CAPN2: variants seen among roughly 807,000 people sequenced by gnomAD.
CAPN2 encodes the protein calpain 2.
A neutral mutation model predicts 102.3 loss-of-function variants in CAPN2; 92 were observed. The ratio of observed to expected loss-of-function variants is 0.90; its 90% CI spans 0.76 to 1.07. The LOEUF (loss-of-function observed/expected upper bound fraction) is 1.07. Ranked by LOEUF, CAPN2 falls within the 50% of genes least tolerant of loss-of-function variation. The probability of loss-of-function intolerance (pLI) is 0.00; values close to 1 mark genes in which losing one functional copy is unlikely to be tolerated. For synonymous variants in CAPN2, 340 were observed against 355.4 expected (o/e 0.96, Z 0.49); for missense variants, 800 against 909.4 (o/e 0.88, Z 1.55).
Position 223,759,079 on chromosome 1 carries a change from G to A in CAPN2, c.1318-191G>A, listed in dbSNP as rs766870236. 7.2e-5 allele frequency: 44 copies of A among 608,260 alleles called. No individual in the cohort carries two copies. The highest frequency in any genetic ancestry group is 1.9e-4 in the African/African-American group (10 of 53,896). The allele number at this position is 608,260 out of a possible 1,614,324, so 37.7% of individuals were successfully genotyped here. On this transcript the variant is annotated intron_variant, in intron 11 of 20. Coordinates refer to ENST00000295006, the MANE Select transcript of CAPN2 (RefSeq NM_001748.5). This position sits in a 1 kb window ranked among gnomAD's most constrained non-coding sequence, Gnocchi z 4.6. Reference sequence around the variant, plus strand: ...ATTTTGTTGTTTTGTTGTTGTTGTCGTCGTTATATAGATGAGGGCTTCCTG... The same window carrying A: ...ATTTTGTTGTTTTGTTGTTGTTGTCATCGTTATATAGATGAGGGCTTCCTG...
At chr1:223,729,376 G>C (rs995355899) in intron 2 of CAPN2, among the ~76,000 whole-genome samples, 1 of 152,148 alleles carries the variant, frequency 6.6e-6, no homozygotes, top group African/African-American at 2.4e-5. Context: ...ATTAAGGTAG[G>C]CTAGGCTAAG....
chr1:223,722,982 G>C (rs948903570), intron 2 of CAPN2, among the ~76,000 whole-genome samples: 12 of 152,180 alleles, frequency 7.9e-5, no homozygotes, highest in Non-Finnish European at 1.8e-4. Flanking sequence ...CAGTTTTGGG[G>C]AATATTGATC....
chr1:223,750,777 C>A, intron 6 of CAPN2, 113 bp from the exon 7 acceptor site: 1 of 939,544 alleles, frequency 1.1e-6, no homozygotes, highest in South Asian at 1.5e-5. Flanking sequence ...ATCCTCCCCA[C>A]CGTCCTCAGC....
intron 2 of CAPN2, among the ~76,000 whole-genome samples, chr1:223,723,894 A>C (rs950899145): frequency 1.7e-5 from 2 of 115,588 alleles, no homozygotes; most frequent in African/African-American, 3.9e-5. Context: ...CTGCAAAGCC[A>C]CAGGGCGTGC....
rs34894876 is a variant in CAPN2 at position 223,722,281 on chromosome 1, C to CTTTTT, written c.307+4470_307+4474dup. 5.0e-3 allele frequency among the ~76,000 whole-genome samples: 423 copies of CTTTTT among 85,410 alleles called. 1 individual carries two copies. Among genetic ancestry groups the CTTTTT allele is most frequent in the African/African-American group, 0.01 (232 of 23,146 alleles). The allele number at this position is 85,410 out of a possible 152,430, so 56.0% of individuals were successfully genotyped here. On this transcript the variant is annotated intron_variant, in intron 2 of 20. Coordinates refer to ENST00000295006, the MANE Select transcript of CAPN2 (RefSeq NM_001748.5). The stretch of plus-strand genomic sequence containing the variant: ...TTCCTTTCTTTCTTTTTCTTTCTTT[C>CTTTTT]TTTTTTTTTTTTTTTTTTTTTTTTG...
chr1:223,761,798 T>C (rs778069624), intron 13 of CAPN2, 181 bp downstream of exon 13: 1 of 579,358 alleles, frequency 1.7e-6, no homozygotes, highest in South Asian at 2.5e-5. Context: ...GCTGGGGGCA[T>C]GGGCCAGTCC....
intron 15 of CAPN2, among the ~76,000 whole-genome samples, chr1:223,765,953 C>T (rs887635224): frequency 1.3e-5 from 2 of 152,178 alleles, no homozygotes; most frequent in African/African-American, 4.8e-5. Context: ...GGACACAGTC[C>T]ATAAATGTCT....
At chr1:223,770,354 G>C (rs553099569) in intron 17 of CAPN2, 93 bp from the exon 18 acceptor site, 1 of 782,864 alleles carries the variant, frequency 1.3e-6, no homozygotes, top group Non-Finnish European at 2.2e-6. Context: ...CACAGAGCTG[G>C]AAAAACTTCA....
chr1:223,703,636 T>C (rs1048082933), intron 1 of CAPN2, among the ~76,000 whole-genome samples: 1 of 152,218 alleles, frequency 6.6e-6, no homozygotes. Context: ...TCCCCATCTC[T>C]TTTCATAGGT....
chr1:223,767,070 G>T (rs1180015051), intron 16 of CAPN2, among the ~76,000 whole-genome samples: 2 of 152,062 alleles, frequency 1.3e-5, no homozygotes, highest in African/African-American at 4.8e-5. Context: ...GCTCGAATTT[G>T]TTTCCTCAGT....
At chr1:223,704,450 G>A (rs1205883472) in intron 1 of CAPN2, among the ~76,000 whole-genome samples, 4 of 152,168 alleles carry the variant, frequency 2.6e-5, no homozygotes. Flanking sequence ...TTAGCAACTC[G>A]AGCTATATTT....
At position 223,727,452 on chromosome 1, in the gene CAPN2, T is replaced by G. The variant is rs1236339670; in HGVS notation, c.307+9621T>G. Among the ~76,000 whole-genome samples the G allele has an allele frequency of 6.6e-6, 1 of 151,770 alleles. No individual in the cohort carries two copies. The highest frequency in any genetic ancestry group is 1.9e-4 in the East Asian group (1 of 5,156). On this transcript the variant is annotated intron_variant, in intron 2 of 20. Coordinates refer to ENST00000295006, the MANE Select transcript of CAPN2 (RefSeq NM_001748.5). The surrounding 1 kb of genome is among the most constrained non-coding windows in gnomAD (Gnocchi z 4.1). ...AATGTCCCCTGGGGGCTTGGCGGAG[T>G]TGGGGGGTGCATGGAATGCCCCCAG...
At chr1:223,732,447 C>T (rs527896513) in intron 2 of CAPN2, among the ~76,000 whole-genome samples, 3 of 152,252 alleles carry the variant, frequency 2.0e-5, no homozygotes, top group Admixed American at 6.5e-5. Flanking sequence ...TTTTAGATCA[C>T]GTAGGGTAAC....
intron 2 of CAPN2, among the ~76,000 whole-genome samples, chr1:223,729,907 C>T (rs970266816): frequency 6.8e-6 from 1 of 147,248 alleles, no homozygotes; most frequent in African/African-American, 2.5e-5. Flanking sequence ...GAGGCTGAGG[C>T]AGGAGAATCG....
At chr1:223,733,782 T>C (rs773344196) in intron 2 of CAPN2, among the ~76,000 whole-genome samples, 3 of 152,310 alleles carry the variant, frequency 2.0e-5, no homozygotes, top group Middle Eastern at 3.4e-3. Flanking sequence ...CAGAGACCCA[T>C]AGGCAAAAGT....
intron 6 of CAPN2, chr1:223,749,384 T>C (rs1660830909): frequency 5.2e-6 from 3 of 575,104 alleles, no homozygotes; most frequent in South Asian, 4.3e-5. Flanking sequence ...TTACCCTGTT[T>C]TACAGTTACA....
In CAPN2 at chr1:223,755,421, C is replaced by A. The variant is rs1428862161; in HGVS notation, c.1136-59C>A. ...CCTCCAAGCCTGAGACCAGGGCCAC[C>A]CCCCACCCCCATGCATTCCTGCTCA... On this transcript the variant is annotated intron_variant, in intron 9 of 20. Coordinates refer to ENST00000295006, the MANE Select transcript of CAPN2 (RefSeq NM_001748.5). This position sits in a 1 kb window ranked among gnomAD's most constrained non-coding sequence, Gnocchi z 4.1. 3.2e-6 allele frequency: 5 copies of A among 1,581,462 alleles called. No individual in the cohort carries two copies. In the Admixed American group the frequency reaches 8.5e-5, roughly 27 times the overall value.
chr1:223,768,066 G>T (rs1661381736), intron 16 of CAPN2, among the ~76,000 whole-genome samples: 1 of 151,758 alleles, frequency 6.6e-6, no homozygotes, highest in African/African-American at 2.4e-5. Flanking sequence ...ATTTGTTGGA[G>T]TTCATTGTAG....
intron 2 of CAPN2, among the ~76,000 whole-genome samples, chr1:223,722,884 C>T (rs1660093855): frequency 6.6e-6 from 1 of 152,184 alleles, no homozygotes; most frequent in African/African-American, 2.4e-5. Context: ...CATCCAGGAC[C>T]CCACGTTTCA....
Sources: allele counts gnomAD v4.1 joint callset (sites outside exome capture counted in the v4.1 genomes callset), GRCh38; gene constraint gnomAD v4.1.1; non-coding constraint Gnocchi (gnomAD v3.1); transcripts MANE v1.5; gene names NCBI Gene and HGNC (gene_info 2026-07-23, HGNC 2026-07-21).